DOC2B: variants seen among roughly 807,000 people sequenced by gnomAD.
DOC2B encodes double C2 domain beta.
A neutral mutation model predicts 28.9 loss-of-function variants in DOC2B; 21 were observed. That is an observed-to-expected ratio of 0.73 (90% CI 0.52 to 1.05). The LOEUF (loss-of-function observed/expected upper bound fraction) is 1.05. Among genes scored for constraint, DOC2B ranks in the 50% least tolerant of loss-of-function variants. DOC2B has a pLI of 0.00. For synonymous variants in DOC2B, 194 were observed against 178.1 expected (o/e 1.09, Z -0.71); for missense variants, 384 against 421.1 (o/e 0.91, Z 0.77).
chr17:162,301 A>G, intron 3 of DOC2B, 111 bp from the exon 4 acceptor site: 2 of 787,560 alleles, frequency 2.5e-6, no homozygotes, highest in South Asian at 3.0e-5. Flanking sequence ...TGTTATCAAC[A>G]TGGCCAAGTG....
chr17:181,416 C>T lies in DOC2B; in HGVS notation c.64G>A (p.Val22Met). Residue 22 changes from valine (V) to methionine (M), a missense_variant, in exon 1 of 9, where the codon GTG becomes ATG. Transcript: ENST00000613549. The surrounding 1 kb of genome is among the most constrained non-coding windows in gnomAD (Gnocchi z 7.0). ...ISIQEHMAID[V>M]CPGPIRPIKQ... ...ATGGGACGGATGGGGCCGGGGCACA[C>T]GTCGATGGCCATATGCTCCTGGATG... 2 of 1,188,646 alleles carry T rather than the reference C, an allele frequency of 1.7e-6. No individual in the cohort carries two copies. Among genetic ancestry groups the T allele is most frequent in the Admixed American group, 3.4e-5 (1 of 29,070 alleles). 73.6% of individuals were successfully genotyped at this position (1,188,646 alleles called of 1,614,324 possible). A position where few individuals can be genotyped will look rare whatever the true frequency, so the allele number is the denominator to read the frequency against.
rs745801265 is a variant in DOC2B, at chr17:156,400, A to C, written c.766-23T>G. The C allele has an allele frequency of 9.0e-6, 14 of 1,549,504 alleles. No individual in the cohort carries two copies. The South Asian group carries it at 1.3e-4, about 15-fold the overall frequency. On this transcript the variant is annotated intron_variant, in intron 5 of 8. Coordinates refer to ENST00000613549, the MANE Select transcript of DOC2B (RefSeq NM_003585.5). ...CACCTGTTGGACGGGACGGTCACTC[A>C]GTCCTCACCTGCTCCCACCCCTCTC...
Position 181,351 on chromosome 17 carries a change from G to C in DOC2B, c.129C>G (p.Gly43=). ...CTCGGGGCCCGGCGTCCGGGGGCAG[G>C]CCCCGCGGGAAGCGGGGGAAGTAGT... ...ISDYFPRFPR[G]LPPDAGPRAA... is the part of the protein sequence containing the mutation. The change falls in exon 1 of 9, where the codon GGC becomes GGG. Residue 43 remains glycine (G), a synonymous_variant. Coordinates refer to ENST00000613549, the MANE Select transcript of DOC2B (RefSeq NM_003585.5). This position sits in a 1 kb window ranked among gnomAD's most constrained non-coding sequence, Gnocchi z 7.0. 1 of 1,131,128 alleles carries C rather than the reference G, an allele frequency of 8.8e-7. No homozygotes were observed. Among genetic ancestry groups the C allele is most frequent in the Middle Eastern group, 3.7e-4 (1 of 2,696 alleles). 70.1% of individuals were successfully genotyped at this position (1,131,128 alleles called of 1,614,324 possible).
intron 5 of DOC2B, among the ~76,000 whole-genome samples, chr17:157,538 T>C (rs2151463314): frequency 6.6e-6 from 1 of 152,344 alleles, no homozygotes; most frequent in South Asian, 2.1e-4. Flanking sequence ...CTTGGCTCAC[T>C]ACAACCTCTG....
At chr17:151,421 C>G (rs1327419820) in intron 6 of DOC2B, among the ~76,000 whole-genome samples, 1 of 152,150 alleles carries the variant, frequency 6.6e-6, no homozygotes, top group Non-Finnish European at 1.5e-5. Flanking sequence ...GCATCCCTAA[C>G]TCAAAAATTC....
rs2040023380 is a variant in DOC2B at position 146,907 on chromosome 17, C to A, written c.*534G>T. 1 of 152,816 alleles carries A rather than the reference C, an allele frequency of 6.5e-6. No individual in the cohort carries two copies. Among genetic ancestry groups the A allele is most frequent in the Non-Finnish European group, 1.5e-5 (1 of 68,438 alleles). The allele number at this position is 152,816 out of a possible 1,614,324, so 9.5% of individuals were successfully genotyped here. On this transcript the variant is annotated 3_prime_UTR_variant, in exon 9 of 9. Coordinates refer to ENST00000613549, the MANE Select transcript of DOC2B (RefSeq NM_003585.5). ...AAGCATGTGCCAATTTACCCATCAT[C>A]AGGAGCCTCCGGGAACTCTGGCAGA...
At position 181,184 on chromosome 17, in the gene DOC2B, C is replaced by G; in HGVS notation, c.296G>C (p.Gly99Ala). 1 of 1,245,028 alleles carries G rather than the reference C, an allele frequency of 8.0e-7. No individual in the cohort carries two copies. Among genetic ancestry groups the G allele is most frequent in the Admixed American group, 4.3e-5 (1 of 23,432 alleles). The allele number at this position is 1,245,028 out of a possible 1,614,324, so 77.1% of individuals were successfully genotyped here. A position where few individuals can be genotyped will look rare whatever the true frequency, so the allele number is the denominator to read the frequency against. Residue 99 changes from glycine to alanine, a missense_variant, in exon 1 of 9, where the codon GGT (glycine) becomes GCT (alanine). By Grantham distance (60) the Gly-to-Ala change is moderately conservative. Transcript: ENST00000613549. The surrounding 1 kb of genome is among the most constrained non-coding windows in gnomAD (Gnocchi z 7.0). Reference protein sequence around the residue: ...AYGSSPGPSPGPSPARPPAKP... With the variant: ...AYGSSPGPSPAPSPARPPAKP... Reference sequence around the variant, plus strand: ...GGCTGGCGGCCGCGCGGGGCTGGGACCCGGGCTGGGGCCCGGGCTGGAGCC... The same window carrying G: ...GGCTGGCGGCCGCGCGGGGCTGGGAGCCGGGCTGGGGCCCGGGCTGGAGCC...
intron 1 of DOC2B, among the ~76,000 whole-genome samples, chr17:177,028 ATT>A (rs5818738): frequency 0.016 from 2,053 of 131,082 alleles, 24 homozygotes; most frequent in African/African-American, 0.037. Context: ...ATCTGCCCTG[ATT>A]TTTTTTTTTT....
In DOC2B at chr17:156,076, C is replaced by T; in HGVS notation, c.923+144G>A. 4.4e-6 allele frequency: 4 copies of T among 917,056 alleles called. 1 individual carries two copies. In the South Asian group the frequency reaches 7.2e-5, roughly 17 times the overall value. 56.8% of individuals were successfully genotyped at this position (917,056 alleles called of 1,614,324 possible). Reference sequence around the variant, plus strand: ...GGCCATGCTTAACCCCTGGAGTTGCCAAGGTAGCCCATCAGGGAACACAGC... The same window carrying T: ...GGCCATGCTTAACCCCTGGAGTTGCTAAGGTAGCCCATCAGGGAACACAGC... On this transcript the variant is annotated intron_variant, in intron 6 of 8. Coordinates refer to ENST00000613549, the MANE Select transcript of DOC2B (RefSeq NM_003585.5).
chr17:149,354 C>T (rs1359279577), intron 6 of DOC2B, among the ~76,000 whole-genome samples, 162 bp from the exon 7 acceptor site: 6 of 152,128 alleles, frequency 3.9e-5, no homozygotes, highest in African/African-American at 7.2e-5. Flanking sequence ...GTGGCAAAGG[C>T]GAGACGTTGT....
chr17:149,568 T>C (rs1425910613), intron 6 of DOC2B, among the ~76,000 whole-genome samples: 2 of 152,162 alleles, frequency 1.3e-5, no homozygotes, highest in African/African-American at 4.8e-5. Context: ...CTTTTTTTTT[T>C]TCAGATGGCT....
chr17:154,933 T>C (rs1489949815), intron 6 of DOC2B, among the ~76,000 whole-genome samples: 1 of 152,156 alleles, frequency 6.6e-6, no homozygotes. Context: ...TTCCCCATAT[T>C]GGCCAAGCTG....
intron 6 of DOC2B, among the ~76,000 whole-genome samples, chr17:154,652 T>C (rs904178337): frequency 6.6e-6 from 1 of 152,322 alleles, no homozygotes; most frequent in South Asian, 2.1e-4. Context: ...CCAGATCAAA[T>C]GGTGATTCTG....
At chr17:161,048 T>C (rs1363707031) in intron 5 of DOC2B, among the ~76,000 whole-genome samples, 2 of 152,018 alleles carry the variant, frequency 1.3e-5, no homozygotes, top group Non-Finnish European at 2.9e-5. Flanking sequence ...TGCCTGCACA[T>C]CTGGTTCAGA....
chr17:179,871 G>A (rs1398399229), intron 1 of DOC2B, among the ~76,000 whole-genome samples: 1 of 152,282 alleles, frequency 6.6e-6, no homozygotes, highest in African/African-American at 2.4e-5. Context: ...TCCCCTACAG[G>A]GGCCCTGCTC....
Position 145,448 on chromosome 17 carries a change from C to A in DOC2B, c.*1993G>T. The A allele has an allele frequency of 6.6e-6, 1 of 152,392 alleles. No homozygotes were observed. The allele number at this position is 152,392 out of a possible 1,614,324, so 9.4% of individuals were successfully genotyped here. On this transcript the variant is annotated 3_prime_UTR_variant, in exon 9 of 9. Coordinates refer to ENST00000613549, the MANE Select transcript of DOC2B (RefSeq NM_003585.5). The stretch of plus-strand genomic sequence containing the variant: ...AGATGGGGATGAGAATCAAACCCAC[C>A]TTGCAGGGCTGTGAACATGCGTTCA...
intron 5 of DOC2B, among the ~76,000 whole-genome samples, chr17:159,977 GCT>G (rs1491164422): frequency 1.4e-5 from 2 of 144,888 alleles, no homozygotes; most frequent in Non-Finnish European, 3.0e-5. Flanking sequence ...GGCTGGTGTT[GCT>G]TTTTTTTTTT....
chr17:154,619 G>A (rs747425389), intron 6 of DOC2B, among the ~76,000 whole-genome samples: 1 of 152,192 alleles, frequency 6.6e-6, no homozygotes, highest in East Asian at 1.9e-4. Context: ...TATCTCTTGG[G>A]TATATAACAA....
Position 181,489 on chromosome 17 carries a change from GCCGCCCCGCCCCGGGCGCGGCCCGGC to G in DOC2B, c.-36_-11del, listed in dbSNP as rs771813392. ...GCCGCCGGAGGGTCATGCAGGCAGC[GCCGCCCCGCCCCGGGCGCGGCCCGGC>G]CCGGCGCGACCCCGGCCCGGGGGCG... On this transcript the variant is annotated 5_prime_UTR_variant, in exon 1 of 9. Transcript: ENST00000613549. This position sits in a 1 kb window ranked among gnomAD's most constrained non-coding sequence, Gnocchi z 7.0. The G allele has an allele frequency of 2.9e-6, 3 of 1,025,354 alleles. No homozygotes were observed. The highest frequency in any genetic ancestry group is 3.5e-6 in the Non-Finnish European group (3 of 858,468). 63.5% of individuals were successfully genotyped at this position (1,025,354 alleles called of 1,614,324 possible).
Sources: gnomAD v4.1 joint callset for allele counts (sites outside exome capture counted in the v4.1 genomes callset) on GRCh38, gnomAD v4.1.1 for gene constraint, Gnocchi (gnomAD v3.1) non-coding constraint, MANE v1.5 for transcripts, NCBI Gene and HGNC (gene_info 2026-07-23, HGNC 2026-07-21) for gene names.